The following VRTN variants were observed in gnomAD, a reference collection of about 807,000 sequenced individuals.
The protein encoded by VRTN is vertnin.
In VRTN, 5 loss-of-function variants were observed where a neutral mutation model predicts 18.2. The observed-to-expected ratio is 0.27, with a 90% CI of 0.14 to 0.58. The LOEUF is 0.58. Among genes scored for constraint, VRTN ranks in the 20% least tolerant of loss-of-function variants. The pLI is 0.91. For missense variants in VRTN, 741 were observed against 939.4 expected (o/e 0.79, Z 2.76); for synonymous variants, 381 against 393.7 (o/e 0.97, Z 0.38).
Position 74,358,000 on chromosome 14 carries a change from A to G in VRTN, c.1217A>G (p.Lys406Arg), listed in dbSNP as rs1256782062. Residue 406 changes from lysine to arginine, a missense_variant, in exon 2 of 2, where the codon AAG becomes AGG. Lys to Arg is a conservative substitution (Grantham distance 26). Coordinates refer to ENST00000256362, the MANE Select transcript of VRTN (RefSeq NM_018228.3). The surrounding 1 kb of genome is among the most constrained non-coding windows in gnomAD (Gnocchi z 7.8). ...SPGMVLMQRA[K>R]LYLEHCISLN... is the part of the protein sequence containing the mutation. ...GGAATGGTCTTAATGCAGCGGGCCA[A>G]GTTGTACCTGGAGCATTGCATCTCC... The G allele has an allele frequency of 6.2e-7, 1 of 1,614,204 alleles. No individual in the cohort carries two copies. The highest frequency in any genetic ancestry group is 1.1e-5 in the South Asian group (1 of 91,090).
upstream of VRTN, among the ~76,000 whole-genome samples, chr14:74,344,646 A>G (rs2085630772): frequency 7.0e-6 from 1 of 142,906 alleles, no homozygotes; most frequent in African/African-American, 2.6e-5. Context: ...GAGGCAGGAG[A>G]ATCACTTGAA....
chr14:74,349,264 T>A (rs1416563566), intron 1 of VRTN, among the ~76,000 whole-genome samples: 1 of 65,518 alleles, frequency 1.5e-5, no homozygotes, highest in Non-Finnish European at 2.8e-5. Context: ...CCCTGGCAGC[T>A]GCCCTTGCCC....
chr14:74,354,111 A>G (rs2085706703), intron 1 of VRTN, among the ~76,000 whole-genome samples: 1 of 152,142 alleles, frequency 6.6e-6, no homozygotes, highest in Non-Finnish European at 1.5e-5. Context: ...ACATTTTTAC[A>G]TTTTACATTT....
chr14:74,315,848 G>A (rs1051409551), intron 1 of VRTN, among the ~76,000 whole-genome samples: 1 of 152,136 alleles, frequency 6.6e-6, no homozygotes, highest in South Asian at 2.1e-4. Context: ...CTGAGAGGTA[G>A]GCCCTACTAC....
rs145074833 is a variant in VRTN at position 74,341,883 on chromosome 14, C to T, written c.-2+3999C>T. Among the ~76,000 whole-genome samples the T allele has an allele frequency of 3.9e-4, 60 of 152,244 alleles. 2 individuals carry two copies. The South Asian group carries it at 8.9e-3, about 23-fold the overall frequency. ...CTGCTTCTGAAATCTGAATTTTGTTCAAAGCGAGGTATATATTAACTAAAG... is the reference window on the plus strand; with the variant it reads ...CTGCTTCTGAAATCTGAATTTTGTTTAAAGCGAGGTATATATTAACTAAAG... On this transcript the variant is annotated intron_variant, in intron 2 of 2. Transcript: ENST00000557177.
intron 1 of VRTN, among the ~76,000 whole-genome samples, chr14:74,324,545 G>C (rs543300281): frequency 6.6e-6 from 1 of 152,072 alleles, no homozygotes; most frequent in Non-Finnish European, 1.5e-5. Context: ...GATATGGACA[G>C]CCTGAGGCAG....
intron 2 of VRTN, among the ~76,000 whole-genome samples, chr14:74,343,114 G>A (rs554683808): frequency 2.6e-5 from 4 of 152,000 alleles, no homozygotes; most frequent in Non-Finnish European, 5.9e-5. Context: ...TACTGTTTTC[G>A]GGAAAGTAAA....
rs760475801 is a variant in VRTN at position 74,359,218 on chromosome 14, T to C, written c.*326T>C. The C allele has an allele frequency of 1.8e-4, 49 of 266,652 alleles. No homozygotes were observed. Among genetic ancestry groups the C allele is most frequent in the East Asian group, 1.7e-4 (2 of 12,096 alleles). 16.5% of individuals were successfully genotyped at this position (266,652 alleles called of 1,614,324 possible). ...TTGCTGGAGTTGGAAGCCGTATGTA[T>C]GTCAGGGGGTTTAGAGGGGGGTTGG... On this transcript the variant is annotated 3_prime_UTR_variant, in exon 2 of 2. Coordinates refer to ENST00000256362, the MANE Select transcript of VRTN (RefSeq NM_018228.3).
chr14:74,312,078 C>G (rs1293702921), intron 1 of VRTN, among the ~76,000 whole-genome samples: 1 of 152,170 alleles, frequency 6.6e-6, no homozygotes, highest in East Asian at 1.9e-4. Flanking sequence ...CCAGCATACA[C>G]AGATTTAAGT....
At chr14:74,320,480 T>C (rs1354185279) in intron 1 of VRTN, among the ~76,000 whole-genome samples, 1 of 147,982 alleles carries the variant, frequency 6.8e-6, no homozygotes, top group Non-Finnish European at 1.5e-5. Flanking sequence ...GCCAGGATGG[T>C]CTCGATCTCC....
chr14:74,347,556 C>A (rs1454374622), upstream of VRTN, among the ~76,000 whole-genome samples: 1 of 152,188 alleles, frequency 6.6e-6, no homozygotes, highest in East Asian at 1.9e-4. Context: ...CACGGAGGAG[C>A]TGTGGGTGGA....
At position 74,357,972 on chromosome 14, in the gene VRTN, C is replaced by T; in HGVS notation, c.1189C>T (p.Pro397Ser). Residue 397 changes from proline (P) to serine (S), a missense_variant, in exon 2 of 2, where the codon CCT becomes TCT. Around this residue, in one of 3 missense-constraint regions of VRTN, gnomAD observed 494 missense variants for 546.5 expected, o/e 0.90. Coordinates refer to ENST00000256362, the MANE Select transcript of VRTN (RefSeq NM_018228.3). This position sits in a 1 kb window ranked among gnomAD's most constrained non-coding sequence, Gnocchi z 7.8. Reference sequence around the variant, plus strand: ...GTGCTCCGCACTGGCGGTGTCAAGCCCTGGAATGGTCTTAATGCAGCGGGC... The same window carrying T: ...GTGCTCCGCACTGGCGGTGTCAAGCTCTGGAATGGTCTTAATGCAGCGGGC... ...LECSALAVSS[P>S]GMVLMQRAKL... The T allele has an allele frequency of 6.2e-7, 1 of 1,614,168 alleles. No homozygotes were observed. Among genetic ancestry groups the T allele is most frequent in the East Asian group, 2.2e-5 (1 of 44,862 alleles).
In VRTN at chr14:74,358,590, C is replaced by A; in HGVS notation, c.1807C>A (p.Pro603Thr). Residue 603 changes from proline to threonine, a missense_variant, in exon 2 of 2, where the codon CCT becomes ACT. Pro to Thr is a conservative substitution (Grantham distance 38, BLOSUM62 -1). This residue lies in a region of VRTN where 494 missense variants were observed against 546.5 expected (regional missense o/e 0.90). Transcript: ENST00000256362. This position sits in a 1 kb window ranked among gnomAD's most constrained non-coding sequence, Gnocchi z 5.4. Reference protein sequence around the residue: ...GASSEDVEGGPSREGALQEGA... With the variant: ...GASSEDVEGGTSREGALQEGA... ...TTCTTCAGAAGATGTAGAGGGAGGG[C>A]CTTCCAGAGAGGGGGCCCTGCAGGA... The A allele has an allele frequency of 1.2e-6, 2 of 1,600,652 alleles. No homozygotes were observed. The highest frequency in any genetic ancestry group is 1.7e-6 in the Non-Finnish European group (2 of 1,172,774).
At chr14:74,316,880 G>A (rs1276527903) in intron 1 of VRTN, among the ~76,000 whole-genome samples, 15 of 151,760 alleles carry the variant, frequency 9.9e-5, no homozygotes, top group African/African-American at 3.4e-4. Context: ...CTCGTGATCC[G>A]CCCGTCTCGG....
chr14:74,348,091 A>T (rs1029818109), upstream of VRTN, among the ~76,000 whole-genome samples: 2 of 151,968 alleles, frequency 1.3e-5, no homozygotes, highest in African/African-American at 2.4e-5. Context: ...GCCTCAAGGT[A>T]TTTCTCTTAA....
At chr14:74,312,777 A>C (rs1258305219) in intron 1 of VRTN, among the ~76,000 whole-genome samples, 2 of 121,738 alleles carry the variant, frequency 1.6e-5, no homozygotes, top group East Asian at 2.5e-4. Flanking sequence ...TTTTTGAGGC[A>C]GAGTCTCGCT....
chr14:74,336,728 G>A (rs560207923), intron 1 of VRTN, among the ~76,000 whole-genome samples: 20 of 152,120 alleles, frequency 1.3e-4, no homozygotes, highest in East Asian at 3.9e-4. Flanking sequence ...AGTTGAGATC[G>A]TGCCATTGCA....
intron 1 of VRTN, among the ~76,000 whole-genome samples, chr14:74,329,065 G>A (rs552219045): frequency 6.6e-6 from 1 of 152,282 alleles, no homozygotes; most frequent in East Asian, 1.9e-4. Context: ...GAGGTTGGGA[G>A]TTCCAGACCA....
At chr14:74,344,951 A>T (rs1334162798), upstream of VRTN, among the ~76,000 whole-genome samples, 1 of 152,154 alleles carries the variant, frequency 6.6e-6, no homozygotes, top group South Asian at 2.1e-4. Context: ...GGAGTGATGC[A>T]CTAGAAACAA....
Sources: gnomAD v4.1 joint callset for allele counts (sites outside exome capture counted in the v4.1 genomes callset) on GRCh38, gnomAD v4.1.1 for gene constraint, gnomAD v4.1.1 regional missense constraint, Gnocchi (gnomAD v3.1) non-coding constraint, MANE v1.5 for transcripts, NCBI Gene and HGNC (gene_info 2026-07-23, HGNC 2026-07-21) for gene names.